ERBB4: variants seen among roughly 807,000 people sequenced by gnomAD.
The protein encoded by ERBB4 is erb-b2 receptor tyrosine kinase 4.
Under a neutral mutation model 158.0 loss-of-function variants are expected in ERBB4, and 42 were observed. The observed-to-expected ratio is 0.27, with a 90% CI of 0.21 to 0.34. The LOEUF (loss-of-function observed/expected upper bound fraction) is 0.34, where lower values mean the gene tolerates loss of function less well. Ranked by LOEUF, ERBB4 falls within the 10% of genes least tolerant of loss-of-function variation. The pLI is 1.00. For missense variants in ERBB4, 1,333 were observed against 1,624.1 expected (o/e 0.82, Z 3.08); for synonymous variants, 583 against 558.7 (o/e 1.04, Z -0.61).
Position 211,713,821 on chromosome 2 carries a change from G to C in ERBB4, c.884-173C>G, listed in dbSNP as rs75927397. ...ATCTCAACCTGAAATTGTATTTCCA[G>C]TCAAATGCAATGTGTGTTAACAACA... On this transcript the variant is annotated intron_variant, in intron 7 of 27. Transcript: ENST00000342788. 9.5e-4 allele frequency among the ~76,000 whole-genome samples: 144 copies of C among 152,190 alleles called. 2 individuals are homozygous for C. In the East Asian group the frequency reaches 0.026, roughly 27 times the overall value.
intron 25 of ERBB4, among the ~76,000 whole-genome samples, chr2:211,415,560 CT>C (rs1413734998): frequency 1.3e-5 from 2 of 152,080 alleles, no homozygotes; most frequent in Non-Finnish European, 2.9e-5. Flanking sequence ...GCATTTCTTT[CT>C]TTTTATGCAG....
At chr2:212,018,727 C>T (rs1193707611) in intron 2 of ERBB4, among the ~76,000 whole-genome samples, 1 of 152,086 alleles carries the variant, frequency 6.6e-6, no homozygotes, top group South Asian at 2.1e-4. Context: ...TTTGTCAGTT[C>T]TTTTCAAAAT....
At chr2:212,182,297 T>C (rs755597817) in intron 1 of ERBB4, among the ~76,000 whole-genome samples, 2 of 151,866 alleles carry the variant, frequency 1.3e-5, no homozygotes, top group Non-Finnish European at 2.9e-5. Context: ...GGGGATGGTA[T>C]TGAACCCAAC....
chr2:212,140,889 A>C (rs1340109435), intron 1 of ERBB4, among the ~76,000 whole-genome samples: 1 of 122,780 alleles, frequency 8.1e-6, no homozygotes, highest in Admixed American at 8.7e-5. Context: ...GTGTGTGTGT[A>C]GAGGGGAGTA....
chr2:211,393,910 A>C (rs2125335801), intron 25 of ERBB4, among the ~76,000 whole-genome samples: 1 of 152,130 alleles, frequency 6.6e-6, no homozygotes, highest in Middle Eastern at 3.4e-3. Context: ...ATAACTGGAG[A>C]GCACAAAGAT....
intron 12 of ERBB4, among the ~76,000 whole-genome samples, chr2:211,684,932 TA>T (rs1209036259): frequency 6.6e-6 from 1 of 152,232 alleles, no homozygotes; most frequent in Non-Finnish European, 1.5e-5. Flanking sequence ...ATCTCCTCAC[TA>T]GGTTGCCCTG....
intron 3 of ERBB4, among the ~76,000 whole-genome samples, chr2:211,818,691 C>T (rs1266389316): frequency 2.0e-5 from 3 of 152,176 alleles, no homozygotes; most frequent in East Asian, 3.9e-4. Context: ...CACTAAAACT[C>T]AACTACATAT....
intron 1 of ERBB4, among the ~76,000 whole-genome samples, chr2:212,293,120 A>T (rs2086270754): frequency 6.6e-6 from 1 of 152,046 alleles, no homozygotes; most frequent in East Asian, 1.9e-4. Flanking sequence ...ATAAAACTCA[A>T]GCATTAGCTG....
At chr2:211,484,509 G>A (rs1026345699) in intron 20 of ERBB4, among the ~76,000 whole-genome samples, 14 of 151,860 alleles carry the variant, frequency 9.2e-5, no homozygotes, top group African/African-American at 3.1e-4. Context: ...GTAAAGGGAT[G>A]GAAAAAATTA....
chr2:211,741,999 C>G (rs902756992), intron 5 of ERBB4, among the ~76,000 whole-genome samples: 2 of 152,090 alleles, frequency 1.3e-5, no homozygotes, highest in African/African-American at 4.8e-5. Context: ...TTTACAATAT[C>G]TCCAGAAACC....
chr2:212,282,307 A>T (rs1236454177), intron 1 of ERBB4, among the ~76,000 whole-genome samples: 1 of 151,952 alleles, frequency 6.6e-6, no homozygotes, highest in African/African-American at 2.4e-5. Flanking sequence ...GTGACTTGGC[A>T]ACAGAGCTGG....
chr2:211,919,463 G>A (rs2079798752), intron 3 of ERBB4, among the ~76,000 whole-genome samples: 1 of 151,948 alleles, frequency 6.6e-6, no homozygotes, highest in Non-Finnish European at 1.5e-5. Flanking sequence ...AATAGTAGTA[G>A]TCACTTAAAT....
chr2:211,829,141 CA>C (rs907654098), intron 3 of ERBB4, among the ~76,000 whole-genome samples: 3 of 152,134 alleles, frequency 2.0e-5, no homozygotes, highest in Non-Finnish European at 4.4e-5. Flanking sequence ...AAAGCACACA[CA>C]AAAAGCTAGG....
chr2:212,158,565 T>C (rs2125642967), intron 1 of ERBB4, among the ~76,000 whole-genome samples: 1 of 152,148 alleles, frequency 6.6e-6, no homozygotes, highest in African/African-American at 2.4e-5. Context: ...AAAAAGATAA[T>C]CTTTTTGGAC....
intron 2 of ERBB4, among the ~76,000 whole-genome samples, chr2:211,997,405 C>T (rs972897846): frequency 6.6e-6 from 1 of 151,814 alleles, no homozygotes; most frequent in African/African-American, 2.4e-5. Flanking sequence ...TATCCAAATA[C>T]TGTAATAAAA....
At chr2:211,942,495 C>T (rs1373087122) in intron 3 of ERBB4, among the ~76,000 whole-genome samples, 6 of 151,928 alleles carry the variant, frequency 3.9e-5, no homozygotes, top group Non-Finnish European at 5.9e-5. Flanking sequence ...CAGCTGGGAC[C>T]GCAGGCATGT....
chr2:212,214,566 C>T (rs73987289), intron 1 of ERBB4, among the ~76,000 whole-genome samples: 5,351 of 151,670 alleles, frequency 0.035, 280 homozygotes, highest in African/African-American at 0.12. Flanking sequence ...ATATTTAAAA[C>T]CACAATAAGA....
intron 3 of ERBB4, among the ~76,000 whole-genome samples, chr2:211,829,599 G>A (rs780999488): frequency 6.6e-6 from 1 of 151,858 alleles, no homozygotes; most frequent in Non-Finnish European, 1.5e-5. Flanking sequence ...ACTTTTTAAA[G>A]GACAGAGATA....
chr2:212,494,293 T>C lies in ERBB4; in HGVS notation c.82+44156A>G, dbSNP rs76019431. Among the ~76,000 whole-genome samples the C allele has an allele frequency of 1.2e-4, 19 of 152,146 alleles. No individual in the cohort carries two copies. In the East Asian group the frequency reaches 3.7e-3, roughly 29 times the overall value. On this transcript the variant is annotated intron_variant, in intron 1 of 27. Coordinates refer to ENST00000342788, the MANE Select transcript of ERBB4 (RefSeq NM_005235.3). The stretch of plus-strand genomic sequence containing the variant: ...GGTTTTATTCTAAGTATCGTAGGTA[T>C]GTTCCACACTAATTGAGTGCTTATA...
Sources: allele counts gnomAD v4.1 joint callset (sites outside exome capture counted in the v4.1 genomes callset), GRCh38; gene constraint gnomAD v4.1.1; transcripts MANE v1.5; gene names NCBI Gene and HGNC (gene_info 2026-07-23, HGNC 2026-07-21).